Variants in ABL1 observed in about 807,000 individuals in gnomAD.
The protein encoded by ABL1 is tyrosine-protein kinase ABL1.
ABL1 carries 11 observed loss-of-function variants against 94.7 expected under a neutral mutation model. The ratio of observed to expected loss-of-function variants is 0.12; its 90% CI spans 0.07 to 0.19. The LOEUF (loss-of-function observed/expected upper bound fraction) is 0.19, where lower values mean the gene tolerates loss of function less well. ABL1 is among the 10% of genes least tolerant of loss of function. The probability of loss-of-function intolerance (pLI) is 1.00; values close to 1 mark genes in which losing one functional copy is unlikely to be tolerated. For missense variants in ABL1, 1,082 were observed against 1,489.4 expected (o/e 0.73, Z 4.50); for synonymous variants, 656 against 622.4 (o/e 1.05, Z -0.80).
At chr9:130,853,440 C>G (rs1309204488) in intron 1 of ABL1, among the ~76,000 whole-genome samples, 1 of 149,360 alleles carries the variant, frequency 6.7e-6, no homozygotes, top group Non-Finnish European at 1.5e-5. Context: ...TTTTTTGACA[C>G]GGAGTTTCTC....
chr9:130,752,101 T>C (rs980679858), intron 1 of ABL1, among the ~76,000 whole-genome samples: 1 of 152,210 alleles, frequency 6.6e-6, no homozygotes, highest in Non-Finnish European at 1.5e-5. Context: ...CACTTGGGAA[T>C]GTGCACCAGA....
intron 1 of ABL1, among the ~76,000 whole-genome samples, chr9:130,779,574 C>T (rs1350527691): frequency 6.6e-6 from 1 of 152,076 alleles, no homozygotes; most frequent in Non-Finnish European, 1.5e-5. Context: ...ACATTTAGCC[C>T]TTTATGCTTG....
upstream of ABL1, among the ~76,000 whole-genome samples, chr9:130,832,788 G>A (rs1830507938): frequency 2.0e-5 from 3 of 152,148 alleles, no homozygotes; most frequent in Non-Finnish European, 4.4e-5. Context: ...TTCTTGGGGT[G>A]TTCTTCTGGT....
At chr9:130,883,037 C>T (rs928961805) in intron 10 of ABL1, among the ~76,000 whole-genome samples, 8 of 152,146 alleles carry the variant, frequency 5.3e-5, no homozygotes, top group African/African-American at 1.9e-4. Context: ...CGTCTGGGCT[C>T]AGACAGGCCT....
intron 1 of ABL1, among the ~76,000 whole-genome samples, chr9:130,815,466 T>TAA (rs1266552014): frequency 6.6e-6 from 1 of 152,162 alleles, no homozygotes; most frequent in Non-Finnish European, 1.5e-5. Flanking sequence ...GGATCTTCCT[T>TAA]GACTCTTCTT....
At chr9:130,845,057 G>C in intron 1 of ABL1, among the ~76,000 whole-genome samples, 1 of 152,148 alleles carries the variant, frequency 6.6e-6, no homozygotes. Flanking sequence ...CATTCTCACA[G>C]GAAGAGCCTA....
chr9:130,761,908 C>G (rs1424877644), intron 1 of ABL1, among the ~76,000 whole-genome samples: 1 of 151,818 alleles, frequency 6.6e-6, no homozygotes, highest in African/African-American at 2.4e-5. Context: ...TTTGGGAGGC[C>G]GAGGCGGGTG....
At chr9:130,815,923 C>G (rs1830279919) in intron 1 of ABL1, among the ~76,000 whole-genome samples, 1 of 152,154 alleles carries the variant, frequency 6.6e-6, no homozygotes, top group South Asian at 2.1e-4. Context: ...GAGGCTGAGG[C>G]AAGAGAATCG....
rs2132995195 is a variant in ABL1 at position 130,872,322 on chromosome 9, T to C, written c.907+109T>C. 9.7e-7 allele frequency: 1 copy of C among 1,027,234 alleles called. No homozygotes were observed. Among genetic ancestry groups the C allele is most frequent in the Non-Finnish European group, 1.4e-6 (1 of 691,172 alleles). 63.6% of individuals were successfully genotyped at this position (1,027,234 alleles called of 1,614,324 possible). On this transcript the variant is annotated intron_variant, in intron 5 of 10. Coordinates refer to ENST00000318560, the MANE Select transcript of ABL1 (RefSeq NM_005157.6). The surrounding 1 kb of genome is among the most constrained non-coding windows in gnomAD (Gnocchi z 5.0). The stretch of plus-strand genomic sequence containing the variant: ...CTCACTGCACAAAACCTCGTTGGAA[T>C]ATTTGTGCTCTGCCGACGTTCAGCC...
At chr9:130,809,415 AGAGTGTGTGT>A (rs1170284985) in intron 1 of ABL1, among the ~76,000 whole-genome samples, 4 of 97,434 alleles carry the variant, frequency 4.1e-5, no homozygotes, top group Non-Finnish European at 8.8e-5. Context: ...AGAGAGAGAG[AGAGTGTGTGT>A]GTGTGTGTGT....
At chr9:130,725,470 T>C (rs934155879) in intron 1 of ABL1, among the ~76,000 whole-genome samples, 2 of 152,194 alleles carry the variant, frequency 1.3e-5, no homozygotes, top group Non-Finnish European at 2.9e-5. Flanking sequence ...AACCTCTGCC[T>C]CCCAGGTTCA....
At chr9:130,725,639 C>T (rs181345552) in intron 1 of ABL1, among the ~76,000 whole-genome samples, 5 of 152,132 alleles carry the variant, frequency 3.3e-5, no homozygotes, top group Non-Finnish European at 7.4e-5. Context: ...CTAGGCCTCC[C>T]AAAGTGCGGG....
At chr9:130,811,805 G>A (rs60922128) in intron 1 of ABL1, among the ~76,000 whole-genome samples, 6,943 of 151,062 alleles carry the variant, frequency 0.046, 509 homozygotes, top group African/African-American at 0.16. Flanking sequence ...TCAGCTACTC[G>A]GGAGGCTGAG....
chr9:130,837,711 T>C (rs1323391167), intron 1 of ABL1, among the ~76,000 whole-genome samples: 1 of 152,228 alleles, frequency 6.6e-6, no homozygotes, highest in Non-Finnish European at 1.5e-5. Flanking sequence ...TGGTAGACTT[T>C]AACAAGCCTC....
At chr9:130,737,973 G>A (rs868687843) in intron 1 of ABL1, among the ~76,000 whole-genome samples, 5 of 151,750 alleles carry the variant, frequency 3.3e-5, no homozygotes, top group Non-Finnish European at 5.9e-5. Flanking sequence ...TGGGATTACA[G>A]ATGTGCACCG....
intron 1 of ABL1, among the ~76,000 whole-genome samples, chr9:130,719,439 G>C (rs1831487927): frequency 6.6e-6 from 1 of 152,130 alleles, no homozygotes; most frequent in South Asian, 2.1e-4. Context: ...TGAGACAGGA[G>C]AGTTGCTTAG....
Position 130,878,402 on chromosome 9 carries a change from G to T in ABL1, c.1271-13G>T, listed in dbSNP as rs752147889. 12 of 1,613,332 alleles carry T rather than the reference G, an allele frequency of 7.4e-6. No homozygotes were observed. The highest frequency in any genetic ancestry group is 1.0e-5 in the Non-Finnish European group (12 of 1,179,382). On this transcript the variant is annotated splice_polypyrimidine_tract_variant and intron_variant, in intron 7 of 10. Transcript: ENST00000318560. ...ACATCTTGAACAGCCTTTCTCTTTC[G>T]GTTTTCTTTCAGCATTTGGAGTATT...
At chr9:130,724,619 G>A (rs893927302) in intron 1 of ABL1, among the ~76,000 whole-genome samples, 1 of 151,804 alleles carries the variant, frequency 6.6e-6, no homozygotes, top group African/African-American at 2.4e-5. Context: ...AGACCAGCCT[G>A]GCCAACATGG....
chr9:130,815,300 C>T (rs1490594693), intron 1 of ABL1, among the ~76,000 whole-genome samples: 1 of 152,202 alleles, frequency 6.6e-6, no homozygotes, highest in African/African-American at 2.4e-5. Context: ...TGCCACCGCA[C>T]TCCAGCCTGG....
Sources: gnomAD v4.1 joint callset for allele counts (sites outside exome capture counted in the v4.1 genomes callset) on GRCh38, gnomAD v4.1.1 for gene constraint, Gnocchi (gnomAD v3.1) non-coding constraint, MANE v1.5 for transcripts, NCBI Gene and HGNC (gene_info 2026-07-23, HGNC 2026-07-21) for gene names.